PDE4D: variants seen among roughly 807,000 people sequenced by gnomAD.
PDE4D encodes phosphodiesterase 4D.
PDE4D carries 24 observed loss-of-function variants against 87.4 expected under a neutral mutation model. The observed-to-expected ratio is 0.27, with a 90% CI of 0.20 to 0.39. The LOEUF (loss-of-function observed/expected upper bound fraction) is 0.39, where lower values mean the gene tolerates loss of function less well. Among genes scored for constraint, PDE4D ranks in the 10% least tolerant of loss-of-function variants. PDE4D has a pLI of 1.00. For synonymous variants in PDE4D, 384 were observed against 383.2 expected (o/e 1.00, Z -0.02); for missense variants, 714 against 1,041.0 (o/e 0.69, Z 4.32).
chr5:60,224,074 T>C (rs1389905511), intron 1 of PDE4D, among the ~76,000 whole-genome samples: 1 of 152,138 alleles, frequency 6.6e-6, no homozygotes, highest in Non-Finnish European at 1.5e-5. Context: ...TCAACATTTG[T>C]CCATGCTAAT....
At chr5:59,244,666 G>C (rs918840035) in intron 1 of PDE4D, among the ~76,000 whole-genome samples, 1 of 123,062 alleles carries the variant, frequency 8.1e-6, no homozygotes, top group African/African-American at 2.9e-5. Context: ...ATATATGTAT[G>C]TATGTGTGTG....
intron 1 of PDE4D, among the ~76,000 whole-genome samples, chr5:59,787,057 G>C (rs1362149886): frequency 2.6e-5 from 4 of 152,116 alleles, no homozygotes; most frequent in African/African-American, 9.7e-5. Context: ...AAAATATTCT[G>C]TCACACTGAC....
chr5:60,242,602 C>A (rs1747253539), intron 1 of PDE4D, among the ~76,000 whole-genome samples: 1 of 152,050 alleles, frequency 6.6e-6, no homozygotes, highest in Non-Finnish European at 1.5e-5. Context: ...AGTTTTAAAA[C>A]ATTCAAAAAA....
At chr5:59,693,690 AG>A (rs1751322657) in intron 1 of PDE4D, among the ~76,000 whole-genome samples, 1 of 152,202 alleles carries the variant, frequency 6.6e-6, no homozygotes, top group Non-Finnish European at 1.5e-5. Context: ...TTGCAAAAAA[AG>A]TTAGGCAAGA....
intron 1 of PDE4D, among the ~76,000 whole-genome samples, chr5:59,817,749 C>G (rs1364676011): frequency 3.3e-5 from 5 of 150,906 alleles, no homozygotes; most frequent in African/African-American, 9.6e-5. Context: ...CACACCCCCC[C>G]CCACACACAC....
chr5:60,437,014 A>G (rs1561255787), intron 1 of PDE4D, among the ~76,000 whole-genome samples: 1 of 152,098 alleles, frequency 6.6e-6, no homozygotes, highest in Admixed American at 6.6e-5. Flanking sequence ...GAGTTCACAC[A>G]TATTCTGACT....
chr5:60,068,950 T>C (rs1772418362), intron 2 of PDE4D, among the ~76,000 whole-genome samples: 1 of 152,220 alleles, frequency 6.6e-6, no homozygotes, highest in African/African-American at 2.4e-5. Flanking sequence ...ACCAATGTCA[T>C]GAAGGTTTTC....
At chr5:59,684,392 A>G (rs1749518988) in intron 1 of PDE4D, among the ~76,000 whole-genome samples, 5 of 152,182 alleles carry the variant, frequency 3.3e-5, no homozygotes, top group Non-Finnish European at 1.5e-5. Flanking sequence ...GCAGCTCTCG[A>G]TACCATTTTT....
rs147074423 is a variant in PDE4D, at chr5:60,121,586, C to T, written c.42+63971G>A. On this transcript the variant is annotated intron_variant, in intron 2 of 16. Coordinates refer to the PDE4D transcript ENST00000502484. ...AGATCTTGTGAGACTTATTCACGAC[C>T]ACGAGAACAGTGTGGAGGAAACTGC... Among the ~76,000 whole-genome samples, 511 of 152,154 alleles carry T rather than the reference C, an allele frequency of 3.4e-3. 28 individuals carry two copies. The East Asian group carries it at 0.09, about 27-fold the overall frequency.
intron 1 of PDE4D, among the ~76,000 whole-genome samples, chr5:60,188,830 C>G (rs1210182905): frequency 6.6e-6 from 1 of 152,188 alleles, no homozygotes; most frequent in Non-Finnish European, 1.5e-5. Flanking sequence ...CCTGATTTGT[C>G]TGCCTCAAAA....
chr5:60,388,908 A>T (rs547596646), intron 1 of PDE4D, among the ~76,000 whole-genome samples: 1 of 152,276 alleles, frequency 6.6e-6, no homozygotes, highest in African/African-American at 2.4e-5. Flanking sequence ...AAATTCAACA[A>T]ATATTCATTG....
chr5:60,392,414 C>T (rs1229860478), intron 1 of PDE4D, among the ~76,000 whole-genome samples: 4 of 152,000 alleles, frequency 2.6e-5, no homozygotes, highest in East Asian at 1.9e-4. Flanking sequence ...CTCAGAAAAA[C>T]GACATTGAGA....
At chr5:59,268,754 T>C (rs1438391008) in intron 1 of PDE4D, among the ~76,000 whole-genome samples, 1 of 152,158 alleles carries the variant, frequency 6.6e-6, no homozygotes, top group Non-Finnish European at 1.5e-5. Context: ...TTGACAATTC[T>C]ATATGTTTAG....
At chr5:60,252,258 T>TG (rs1261787215) in intron 1 of PDE4D, among the ~76,000 whole-genome samples, 3 of 151,906 alleles carry the variant, frequency 2.0e-5, no homozygotes, top group Non-Finnish European at 4.4e-5. Context: ...TAAAAATACA[T>TG]GGGGGTGGAG....
intron 1 of PDE4D, among the ~76,000 whole-genome samples, chr5:59,595,950 A>G (rs1218906307): frequency 6.6e-6 from 1 of 151,942 alleles, no homozygotes; most frequent in Non-Finnish European, 1.5e-5. Context: ...ATATATTGTC[A>G]ATCTAATTTA....
At chr5:59,715,500 C>T (rs532608371) in intron 1 of PDE4D, among the ~76,000 whole-genome samples, 5 of 152,144 alleles carry the variant, frequency 3.3e-5, no homozygotes, top group South Asian at 2.1e-4. Flanking sequence ...GGTTTCATAC[C>T]GGGTATGGAC....
rs1561441349 is a variant in PDE4D at position 59,668,852 on chromosome 5, GAAGAAGAAGAA to G, written c.455+224305_455+224315del. On this transcript the variant is annotated intron_variant, in intron 1 of 14. Coordinates refer to ENST00000340635, the MANE Select transcript of PDE4D (RefSeq NM_001104631.2). Reference sequence around the variant, plus strand: ...AGAAGAGGAAGAGGAAGAGGAAGAAGAAGAAGAAGAAGAAGAAGAAGAAGAAGAAGAAGAAG... The same window carrying G: ...AGAAGAGGAAGAGGAAGAGGAAGAAGGAAGAAGAAGAAGAAGAAGAAGAAG... Among the ~76,000 whole-genome samples the G allele has an allele frequency of 1.1e-3, 56 of 51,812 alleles. 2 individuals carry two copies. Among genetic ancestry groups the G allele is most frequent in the South Asian group, 5.6e-3 (7 of 1,242 alleles). 34.0% of individuals were successfully genotyped at this position (51,812 alleles called of 152,430 possible). A position where few individuals can be genotyped will look rare whatever the true frequency, so the allele number is the denominator to read the frequency against.
chr5:59,931,858 T>C (rs564958255), intron 3 of PDE4D, among the ~76,000 whole-genome samples: 150 of 152,154 alleles, frequency 9.9e-4, no homozygotes, highest in Admixed American at 1.4e-3. Flanking sequence ...CCTGCCACCA[T>C]ACCCGGCTAA....
intron 1 of PDE4D, among the ~76,000 whole-genome samples, chr5:59,617,620 G>A (rs1175952688): frequency 6.6e-6 from 1 of 152,170 alleles, no homozygotes; most frequent in Non-Finnish European, 1.5e-5. Flanking sequence ...CACGTACACA[G>A]AAGGAACACT....
Sources: allele counts gnomAD v4.1 joint callset (sites outside exome capture counted in the v4.1 genomes callset), GRCh38; gene constraint gnomAD v4.1.1; transcripts MANE v1.5; gene names NCBI Gene and HGNC (gene_info 2026-07-23, HGNC 2026-07-21).